KCNMA1: variants seen among roughly 807,000 people sequenced by gnomAD.
KCNMA1 encodes the protein Calcium-activated potassium channel subunit alpha-1.
Under a neutral mutation model 140.0 loss-of-function variants are expected in KCNMA1, and 29 were observed. The observed-to-expected ratio is 0.21, with a 90% CI of 0.15 to 0.28. The LOEUF (loss-of-function observed/expected upper bound fraction) is 0.28, where lower values mean the gene tolerates loss of function less well. KCNMA1 is among the 10% of genes least tolerant of loss of function. The pLI, the probability that KCNMA1 is intolerant of heterozygous loss-of-function variation, is 1.00. For synonymous variants in KCNMA1, 612 were observed against 611.9 expected (o/e 1.00, Z 0.00); for missense variants, 880 against 1,602.2 (o/e 0.55, Z 7.70).
At chr10:77,545,928 C>T (rs1306682308) in intron 1 of KCNMA1, among the ~76,000 whole-genome samples, 1 of 152,154 alleles carries the variant, frequency 6.6e-6, no homozygotes, top group East Asian at 1.9e-4. Flanking sequence ...ATGTCACCTC[C>T]CTGATGTCCT....
chr10:77,237,416 C>T (rs1435496989), intron 3 of KCNMA1, among the ~76,000 whole-genome samples: 1 of 152,164 alleles, frequency 6.6e-6, no homozygotes, highest in Non-Finnish European at 1.5e-5. Context: ...GATTCCAAAC[C>T]CTGGTGTTCA....
At chr10:77,218,584 C>T (rs2048548299) in intron 3 of KCNMA1, among the ~76,000 whole-genome samples, 1 of 152,132 alleles carries the variant, frequency 6.6e-6, no homozygotes, top group African/African-American at 2.4e-5. Flanking sequence ...CACGACTCAC[C>T]CAATCCCATG....
chr10:77,374,633 C>A (rs994075), intron 2 of KCNMA1, among the ~76,000 whole-genome samples: 38 of 152,322 alleles, frequency 2.5e-4, no homozygotes, highest in African/African-American at 9.1e-4. Context: ...ATGCCAGCCT[C>A]CCCTTCCAGT....
chr10:77,635,385 C>T (rs2093637452), intron 1 of KCNMA1: 1 of 152,192 alleles, frequency 6.6e-6, no homozygotes, highest in African/African-American at 2.4e-5. Context: ...AAATTGCCCC[C>T]TGCCTGAAAG....
chr10:77,226,780 G>T (rs1293088708), intron 3 of KCNMA1, among the ~76,000 whole-genome samples: 2 of 152,102 alleles, frequency 1.3e-5, no homozygotes, highest in African/African-American at 4.8e-5. Context: ...GCTCTGAGGG[G>T]CTTCAGGTAA....
At chr10:77,332,808 C>T (rs987740592) in intron 2 of KCNMA1, among the ~76,000 whole-genome samples, 4 of 152,244 alleles carry the variant, frequency 2.6e-5, no homozygotes, top group African/African-American at 7.2e-5. Context: ...GCCACTTAAT[C>T]AGCCTCATCC....
chr10:77,099,607 G>A (rs1017043134), intron 9 of KCNMA1, among the ~76,000 whole-genome samples: 1 of 151,948 alleles, frequency 6.6e-6, no homozygotes, highest in South Asian at 2.1e-4. Flanking sequence ...CCAGCTACTC[G>A]AGGGGCTGAG....
At chr10:77,577,758 G>T (rs1168052008) in intron 1 of KCNMA1, among the ~76,000 whole-genome samples, 2 of 152,202 alleles carry the variant, frequency 1.3e-5, no homozygotes, top group East Asian at 3.9e-4. Context: ...GCCAGAATTT[G>T]AACTCTGACA....
intron 3 of KCNMA1, among the ~76,000 whole-genome samples, chr10:77,219,962 C>G (rs1194840590): frequency 6.6e-6 from 1 of 152,192 alleles, no homozygotes; most frequent in East Asian, 1.9e-4. Flanking sequence ...CATAAAATCC[C>G]CATTATCAGC....
chr10:77,517,506 C>T (rs925929188), intron 1 of KCNMA1, among the ~76,000 whole-genome samples: 2 of 152,198 alleles, frequency 1.3e-5, no homozygotes, highest in African/African-American at 2.4e-5. Flanking sequence ...GCATTGCATC[C>T]ACTGGGAGCA....
intron 2 of KCNMA1, among the ~76,000 whole-genome samples, chr10:77,374,227 C>A (rs1009674178): frequency 6.6e-6 from 1 of 152,166 alleles, no homozygotes; most frequent in African/African-American, 2.4e-5. Flanking sequence ...CTGCAAACAA[C>A]CATGGCGGGA....
intron 23 of KCNMA1, among the ~76,000 whole-genome samples, chr10:76,915,908 A>G (rs536288997): frequency 1.3e-5 from 2 of 152,144 alleles, no homozygotes; most frequent in African/African-American, 4.8e-5. Context: ...TAACTTAGTG[A>G]TATTGGCTCA....
At chr10:76,970,522 C>G (rs2075778399) in intron 19 of KCNMA1, 1 of 233,614 alleles carries the variant, frequency 4.3e-6, no homozygotes, top group Admixed American at 5.2e-5. Flanking sequence ...CCAGATGAAC[C>G]AACTTAGCTG....
At chr10:77,339,132 A>G (rs1441485333) in intron 2 of KCNMA1, among the ~76,000 whole-genome samples, 1 of 151,936 alleles carries the variant, frequency 6.6e-6, no homozygotes, top group Non-Finnish European at 1.5e-5. Context: ...GGGGGTAAGG[A>G]AGTGTTTTTT....
intron 15 of KCNMA1, among the ~76,000 whole-genome samples, chr10:77,034,465 G>A (rs149753368): frequency 3.9e-5 from 6 of 152,246 alleles, no homozygotes; most frequent in East Asian, 3.9e-4. Flanking sequence ...CCCAGCTTTC[G>A]CCGGGCGGTC....
chr10:76,964,843 A>G (rs2073245420), intron 20 of KCNMA1, among the ~76,000 whole-genome samples: 2 of 152,316 alleles, frequency 1.3e-5, no homozygotes, highest in South Asian at 4.1e-4. Flanking sequence ...TTTTCCTCAA[A>G]TCATATTTTG....
In KCNMA1 at chr10:76,887,104, AT is replaced by A. The variant is rs2037393260; in HGVS notation, c.*161del. 1.3e-6 allele frequency: 2 copies of A among 1,568,718 alleles called. No homozygotes were observed. Among genetic ancestry groups the A allele is most frequent in the Non-Finnish European group, 1.7e-6 (2 of 1,161,444 alleles). On this transcript the variant is annotated 3_prime_UTR_variant, in exon 28 of 28. Coordinates refer to ENST00000286628, the MANE Select transcript of KCNMA1 (RefSeq NM_001161352.2). ...TGCTCAAGGGTTTTATGGTGGTGAA[AT>A]AAAAATGACAACCACATGCACACTA...
chr10:77,317,781 G>A lies in KCNMA1; in HGVS notation c.541-66525C>T, dbSNP rs140581035. ...TTTCCTCATCAGGGAAGATAAATTCGAGGTGATATTAATAAACCTCTGAAT... is the reference window on the plus strand; with the variant it reads ...TTTCCTCATCAGGGAAGATAAATTCAAGGTGATATTAATAAACCTCTGAAT... On this transcript the variant is annotated intron_variant, in intron 2 of 27. Transcript: ENST00000286628. 2.1e-3 allele frequency among the ~76,000 whole-genome samples: 315 copies of A among 152,290 alleles called. 1 individual carries two copies. The highest frequency in any genetic ancestry group is 7.1e-3 in the African/African-American group (295 of 41,554).
At chr10:77,462,092 G>A (rs536409630) in intron 1 of KCNMA1, among the ~76,000 whole-genome samples, 48 of 150,598 alleles carry the variant, frequency 3.2e-4, no homozygotes, top group African/African-American at 1.1e-3. Flanking sequence ...ACACGGACAC[G>A]GACACACACA....
Sources: gnomAD v4.1 joint callset for allele counts (sites outside exome capture counted in the v4.1 genomes callset) on GRCh38, gnomAD v4.1.1 for gene constraint, MANE v1.5 for transcripts, NCBI Gene and HGNC (gene_info 2026-07-23, HGNC 2026-07-21) for gene names.